The following MYO16 variants were observed in gnomAD, a reference collection of about 807,000 sequenced individuals.
MYO16 encodes unconventional myosin-XVI.
A neutral mutation model predicts 205.3 loss-of-function variants in MYO16; 94 were observed. That is an observed-to-expected ratio of 0.46 (90% CI 0.39 to 0.54). The LOEUF (loss-of-function observed/expected upper bound fraction) is 0.54, where lower values mean the gene tolerates loss of function less well. MYO16 is among the 20% of genes least tolerant of loss of function. The pLI is 0.00. For synonymous variants in MYO16, 988 were observed against 954.0 expected, an observed-to-expected ratio of 1.04 and a Z score of -0.66; for missense variants, 2,315 against 2,387.5, an observed-to-expected ratio of 0.97 and a Z score of 0.63.
Position 108,905,981 on chromosome 13 carries a change from G to C in MYO16, c.1778-4022G>C, listed in dbSNP as rs578251548. Among the ~76,000 whole-genome samples, 305 of 152,266 alleles carry C rather than the reference G, an allele frequency of 2.0e-3. 2 individuals carry two copies. Among genetic ancestry groups the C allele is most frequent in the South Asian group, 0.014 (67 of 4,814 alleles). On this transcript the variant is annotated intron_variant, in intron 15 of 34. Transcript: ENST00000457511. ...CTTACGAGCCACAAGGCCTGGGGTTGAGTCCTGGCTCATTTACTTTGTGCC... is the reference window on the plus strand; with the variant it reads ...CTTACGAGCCACAAGGCCTGGGGTTCAGTCCTGGCTCATTTACTTTGTGCC...
intron 23 of MYO16, among the ~76,000 whole-genome samples, chr13:109,030,103 A>G (rs371599266): frequency 5.3e-5 from 8 of 151,932 alleles, no homozygotes; most frequent in East Asian, 1.9e-4. Flanking sequence ...CAACATTACT[A>G]TAGGTTCCTA....
chr13:108,864,617 C>T (rs1372232339), intron 11 of MYO16, among the ~76,000 whole-genome samples: 1 of 152,106 alleles, frequency 6.6e-6, no homozygotes, highest in Non-Finnish European at 1.5e-5. Flanking sequence ...CAGCCTCAAC[C>T]TTCCAGGATC....
upstream of MYO16, among the ~76,000 whole-genome samples, chr13:108,593,888 A>T (rs1878468039): frequency 6.6e-6 from 1 of 152,194 alleles, no homozygotes; most frequent in Non-Finnish European, 1.5e-5. Flanking sequence ...AGAAGCACAG[A>T]ACAGCCTCTG....
chr13:109,200,223 A>G (rs1880345750), intron 34 of MYO16, among the ~76,000 whole-genome samples: 1 of 152,188 alleles, frequency 6.6e-6, no homozygotes, highest in Middle Eastern at 3.2e-3. Context: ...AACGTAACCT[A>G]TGAAAATTCT....
chr13:108,885,846 C>T (rs1594369814), intron 13 of MYO16, among the ~76,000 whole-genome samples: 1 of 152,122 alleles, frequency 6.6e-6, no homozygotes, highest in Non-Finnish European at 1.5e-5. Flanking sequence ...GGAGTCCGCC[C>T]GGGAGATGGC....
intron 11 of MYO16, among the ~76,000 whole-genome samples, chr13:108,864,264 C>T (rs768300275): frequency 1.6e-4 from 24 of 151,652 alleles, no homozygotes; most frequent in Non-Finnish European, 2.9e-4. Flanking sequence ...TTTTCCTTTT[C>T]TAACAAGTAT....
chr13:108,613,115 A>G (rs932910082), intron 1 of MYO16, among the ~76,000 whole-genome samples: 1 of 152,344 alleles, frequency 6.6e-6, no homozygotes, highest in East Asian at 1.9e-4. Context: ...TAAGGTCAAG[A>G]AAACAAATTG....
chr13:108,785,875 T>A lies in MYO16; in HGVS notation c.616+132T>A, dbSNP rs1886443927. On this transcript the variant is annotated intron_variant, in intron 5 of 34. Transcript: ENST00000457511. ...CGCACGTGGTGTAGAAGATGGTATT[T>A]TTTCCCTTCAGCTTTCCATTGCTCT... 58 of 614,660 alleles carry A rather than the reference T, an allele frequency of 9.4e-5. 1 individual carries two copies. The South Asian group carries it at 1.2e-3, about 13-fold the overall frequency. The allele number at this position is 614,660 out of a possible 1,614,324, so 38.1% of individuals were successfully genotyped here.
intron 4 of MYO16, among the ~76,000 whole-genome samples, chr13:108,769,682 A>G (rs1885898169): frequency 6.6e-6 from 1 of 152,190 alleles, no homozygotes; most frequent in South Asian, 2.1e-4. Flanking sequence ...AACAGATTAG[A>G]AAGACAGTTG....
chr13:108,678,989 G>T (rs1882344322), intron 2 of MYO16, among the ~76,000 whole-genome samples: 1 of 152,098 alleles, frequency 6.6e-6, no homozygotes, highest in Non-Finnish European at 1.5e-5. Context: ...AAAGGGCAAG[G>T]AGCATTCTGT....
chr13:108,699,661 T>A (rs1308373776), intron 2 of MYO16, among the ~76,000 whole-genome samples: 1 of 152,168 alleles, frequency 6.6e-6, no homozygotes, highest in African/African-American at 2.4e-5. Context: ...ATGACTGGTT[T>A]CGGTAAGCAG....
intron 4 of MYO16, among the ~76,000 whole-genome samples, chr13:108,737,686 G>C (rs1421901914): frequency 6.6e-6 from 1 of 152,110 alleles, no homozygotes; most frequent in Non-Finnish European, 1.5e-5. Context: ...TTTTTCTATT[G>C]ATTGGAATAG....
chr13:109,065,218 T>C (rs1887707823), intron 27 of MYO16, among the ~76,000 whole-genome samples: 1 of 152,198 alleles, frequency 6.6e-6, no homozygotes, highest in African/African-American at 2.4e-5. Context: ...AAGCTAGGCC[T>C]GGACTTGGCA....
intron 12 of MYO16, among the ~76,000 whole-genome samples, chr13:108,872,553 AAT>A (rs1879121164): frequency 1.3e-5 from 2 of 151,968 alleles, no homozygotes; most frequent in South Asian, 4.1e-4. Flanking sequence ...AATAAGATAC[AAT>A]ACATTGAGAT....
At chr13:108,985,530 C>G (rs1039390887) in intron 20 of MYO16, among the ~76,000 whole-genome samples, 11 of 152,196 alleles carry the variant, frequency 7.2e-5, no homozygotes, top group African/African-American at 2.4e-4. Flanking sequence ...AGATATAACT[C>G]TTAACGATCA....
At chr13:108,990,160 A>G (rs1884779925) in intron 20 of MYO16, among the ~76,000 whole-genome samples, 1 of 121,338 alleles carries the variant, frequency 8.2e-6, no homozygotes, top group South Asian at 2.6e-4. Context: ...ACACACACAC[A>G]CACACACACA....
chr13:108,528,638 TCTCCCC>T, the MYO16 span, among the ~76,000 whole-genome samples: 3 of 9,678 alleles, frequency 3.1e-4, no homozygotes, highest in Non-Finnish European at 6.0e-4. Flanking sequence ...CCTCCCCTCC[TCTCCCC>T]TTCCCTTCCC....
chr13:108,610,214 G>C (rs960692937), intron 1 of MYO16, among the ~76,000 whole-genome samples: 4 of 152,140 alleles, frequency 2.6e-5, no homozygotes, highest in Non-Finnish European at 4.4e-5. Flanking sequence ...GATTAAAGGA[G>C]AGAGTGCACA....
intron 2 of MYO16, among the ~76,000 whole-genome samples, chr13:108,673,412 T>G (rs575520121): frequency 6.6e-6 from 1 of 151,924 alleles, no homozygotes; most frequent in African/African-American, 2.4e-5. Flanking sequence ...CTACTTAATA[T>G]GCCAAATGTT....
Sources: gnomAD v4.1 joint callset for allele counts (sites outside exome capture counted in the v4.1 genomes callset) on GRCh38, gnomAD v4.1.1 for gene constraint, MANE v1.5 for transcripts, NCBI Gene and HGNC (gene_info 2026-07-23, HGNC 2026-07-21) for gene names.